PCDHA9: variants seen among roughly 807,000 people sequenced by gnomAD.
The protein encoded by PCDHA9 is protocadherin alpha-9.
PCDHA9 carries 62 observed loss-of-function variants against 62.0 expected under a neutral mutation model. That is an observed-to-expected ratio of 1.00 (90% CI 0.81 to 1.23). The LOEUF (loss-of-function observed/expected upper bound fraction) is 1.23, where lower values mean the gene tolerates loss of function less well. PCDHA9 is among the 50% of genes most tolerant of loss of function. The pLI, the probability that PCDHA9 is intolerant of heterozygous loss-of-function variation, is 0.00. For synonymous variants in PCDHA9, 557 were observed against 567.6 expected (o/e 0.98, Z 0.27); for missense variants, 1,205 against 1,249.8 (o/e 0.96, Z 0.54).
At chr5:140,868,974 C>G in intron 1 of PCDHA9, 1 of 1,471,886 alleles carries the variant, frequency 6.8e-7, no homozygotes, top group Non-Finnish European at 9.1e-7. Flanking sequence ...GGAACTCCAT[C>G]ATACCGGATG....
At chr5:140,965,670 G>A (rs2095922284) in intron 1 of PCDHA9, among the ~76,000 whole-genome samples, 1 of 152,144 alleles carries the variant, frequency 6.6e-6, no homozygotes, top group Non-Finnish European at 1.5e-5. Flanking sequence ...GGTGATAAAT[G>A]TAAAAGATTT....
chr5:140,855,640 A>G (rs555429613), intron 1 of PCDHA9, among the ~76,000 whole-genome samples: 1 of 150,004 alleles, frequency 6.7e-6, no homozygotes, highest in East Asian at 1.9e-4. Context: ...GCTATTGATA[A>G]TCATGTGGTT....
At chr5:141,003,039 T>C (rs2098108520) in intron 3 of PCDHA9, among the ~76,000 whole-genome samples, 1 of 152,216 alleles carries the variant, frequency 6.6e-6, no homozygotes, top group Admixed American at 6.5e-5. Flanking sequence ...AAAGCCCTCC[T>C]GGCCTTAACA....
intron 1 of PCDHA9, chr5:140,861,390 C>G (rs970688451): frequency 2.0e-5 from 9 of 450,942 alleles, no homozygotes; most frequent in Admixed American, 6.9e-5. Flanking sequence ...GGACCTGGGT[C>G]TGGAGCTTGT....
chr5:140,937,151 C>T (rs1170352289), intron 1 of PCDHA9, among the ~76,000 whole-genome samples: 1 of 151,572 alleles, frequency 6.6e-6, no homozygotes, highest in African/African-American at 2.4e-5. Context: ...CATTCTCCTG[C>T]CTCAGCCTCC....
intron 1 of PCDHA9, chr5:140,883,880 C>G: frequency 1.2e-6 from 2 of 1,613,304 alleles, no homozygotes; most frequent in Non-Finnish European, 1.7e-6. Context: ...GGTGAGCGCG[C>G]GCGACTCTGG....
At chr5:140,932,312 T>C (rs2088188856) in intron 1 of PCDHA9, among the ~76,000 whole-genome samples, 1 of 151,922 alleles carries the variant, frequency 6.6e-6, no homozygotes, top group Admixed American at 6.6e-5. Context: ...GGTATAAATA[T>C]ATTAATGTAG....
rs114871728 is a variant in PCDHA9, at chr5:140,922,694, C to T, written c.2395-56255C>T. The stretch of plus-strand genomic sequence containing the variant: ...GTAAAAAAGTGAACAGGCTCTGCTT[C>T]CATACAGTCAAGAACAAAAAGAAAC... On this transcript the variant is annotated intron_variant, in intron 1 of 3. Transcript: ENST00000532602. Among the ~76,000 whole-genome samples, 1,199 of 152,172 alleles carry T rather than the reference C, an allele frequency of 7.9e-3. 5 individuals carry two copies. The highest frequency in any genetic ancestry group is 0.018 in the African/African-American group (768 of 41,520).
chr5:140,853,750 C>T (rs2042854263), intron 1 of PCDHA9: 1 of 988,454 alleles, frequency 1.0e-6, no homozygotes, highest in Non-Finnish European at 1.2e-6. Context: ...TGGTTCAAGG[C>T]TCCACCTCAG....
intron 1 of PCDHA9, chr5:140,851,868 C>A: frequency 1.0e-6 from 1 of 976,710 alleles, no homozygotes; most frequent in Non-Finnish European, 1.2e-6. Context: ...ATACATAACA[C>A]AAGGCAGAAA....
chr5:140,934,822 T>C (rs2090051776), intron 1 of PCDHA9, among the ~76,000 whole-genome samples: 1 of 152,218 alleles, frequency 6.6e-6, no homozygotes. Flanking sequence ...ATGCTAACTT[T>C]GGCAAGTTGG....
intron 1 of PCDHA9, among the ~76,000 whole-genome samples, chr5:140,937,108 G>A (rs1014984809): frequency 7.3e-5 from 11 of 151,276 alleles, no homozygotes; most frequent in Non-Finnish European, 1.5e-4. Context: ...CGCAGTCTCG[G>A]CTCACTGCAA....
chr5:140,927,357 C>A, intron 1 of PCDHA9: 1 of 1,614,052 alleles, frequency 6.2e-7, no homozygotes, highest in South Asian at 1.1e-5. Context: ...ACGAGGGAAG[C>A]AATGGGATAC....
In PCDHA9 at chr5:140,857,452, G is replaced by T. The variant is rs782723934; in HGVS notation, c.2394+6563G>T. 4.4e-6 allele frequency: 7 copies of T among 1,598,562 alleles called. No individual in the cohort carries two copies. The East Asian group carries it at 6.7e-5, about 15-fold the overall frequency. ...CGGTGTTCGTGAAGGAGAACAACCC[G>T]CCAGGCTGCCACATCTTCACGGTGT... On this transcript the variant is annotated intron_variant, in intron 1 of 3. Transcript: ENST00000532602.
chr5:140,869,809 A>G, intron 1 of PCDHA9: 15 of 1,612,564 alleles, frequency 9.3e-6, no homozygotes, highest in Non-Finnish European at 1.3e-5. Flanking sequence ...CTTGGATGTC[A>G]ACGACAATGA....
At chr5:140,891,972 T>C (rs1273277446) in intron 1 of PCDHA9, among the ~76,000 whole-genome samples, 1 of 152,222 alleles carries the variant, frequency 6.6e-6, no homozygotes, top group African/African-American at 2.4e-5. Flanking sequence ...TAAATTTCCG[T>C]TCTCATAAAT....
intron 1 of PCDHA9, among the ~76,000 whole-genome samples, chr5:140,960,355 A>G (rs1489344440): frequency 6.6e-6 from 1 of 152,222 alleles, no homozygotes; most frequent in Admixed American, 6.5e-5. Flanking sequence ...ATGTACTGAA[A>G]TAATATGCCA....
At chr5:140,923,495 C>T (rs1274980788) in intron 1 of PCDHA9, among the ~76,000 whole-genome samples, 2 of 152,060 alleles carry the variant, frequency 1.3e-5, no homozygotes, top group African/African-American at 4.8e-5. Context: ...CACCACTGCA[C>T]TCCAGCCTGG....
At position 140,964,709 on chromosome 5, in the gene PCDHA9, A is replaced by G. The variant is rs115609419; in HGVS notation, c.2395-14240A>G. On this transcript the variant is annotated intron_variant, in intron 1 of 3. Coordinates refer to ENST00000532602, the MANE Select transcript of PCDHA9 (RefSeq NM_031857.2). ...CACTTGAGAGATTAAGGCCTCCGAG[A>G]TCAAATTACCACAGCAAACTGAGAC... is the stretch of plus-strand genomic sequence containing the variant. Among the ~76,000 whole-genome samples the G allele has an allele frequency of 4.5e-3, 689 of 152,134 alleles. 3 individuals are homozygous for G. Among genetic ancestry groups the G allele is most frequent in the African/African-American group, 0.016 (667 of 41,492 alleles).
Sources: allele counts gnomAD v4.1 joint callset (sites outside exome capture counted in the v4.1 genomes callset), GRCh38; gene constraint gnomAD v4.1.1; transcripts MANE v1.5; gene names NCBI Gene and HGNC (gene_info 2026-07-23, HGNC 2026-07-21).